Variants in PKP2 observed in about 807,000 individuals in gnomAD.
PKP2 encodes the protein plakophilin-2.
In PKP2, 73 loss-of-function variants were observed where a neutral mutation model predicts 83.4. That is an observed-to-expected ratio of 0.88 (90% CI 0.72 to 1.06). The LOEUF is 1.06. Among genes scored for constraint, PKP2 ranks in the 50% least tolerant of loss-of-function variants. PKP2 has a pLI of 0.00. For missense variants in PKP2, 966 were observed against 1,065.4 expected (o/e 0.91, Z 1.30); for synonymous variants, 409 against 430.4 (o/e 0.95, Z 0.62).
At chr12:32,876,966 GA>G (rs1273544166) in intron 3 of PKP2, among the ~76,000 whole-genome samples, 1 of 152,214 alleles carries the variant, frequency 6.6e-6, no homozygotes, top group Non-Finnish European at 1.5e-5. Context: ...ATCATTTTGA[GA>G]AGTAGTTTAT....
chr12:32,826,871 A>C (rs1956447023), intron 6 of PKP2, among the ~76,000 whole-genome samples: 1 of 152,214 alleles, frequency 6.6e-6, no homozygotes, highest in African/African-American at 2.4e-5. Flanking sequence ...ACAGCAAATT[A>C]GTGGTAAAGT....
chr12:32,823,762 G>A (rs968191127), intron 7 of PKP2, among the ~76,000 whole-genome samples: 5 of 151,834 alleles, frequency 3.3e-5, no homozygotes, highest in African/African-American at 4.8e-5. Context: ...CACCACGCCC[G>A]GCTATATTTT....
At chr12:32,833,414 C>A (rs1231410209) in intron 6 of PKP2, among the ~76,000 whole-genome samples, 2 of 152,070 alleles carry the variant, frequency 1.3e-5, no homozygotes, top group Non-Finnish European at 2.9e-5. Context: ...TAACTGAATG[C>A]ATTAAAAATG....
intron 4 of PKP2, among the ~76,000 whole-genome samples, chr12:32,858,074 AAAAAAAAAAAAT>A (rs1337416754): frequency 3.6e-4 from 24 of 66,464 alleles, no homozygotes; most frequent in African/African-American, 1.7e-3. Context: ...CAAAAAAAAA[AAAAAAAAAAAAT>A]ATATATATAT....
chr12:32,814,142 A>T lies in PKP2; in HGVS notation c.2013+7214T>A, dbSNP rs908946945. Among the ~76,000 whole-genome samples the T allele has an allele frequency of 2.6e-5, 4 of 152,082 alleles. No homozygotes were observed. In the East Asian group the frequency reaches 7.7e-4, roughly 29 times the overall value. On this transcript the variant is annotated intron_variant, in intron 9 of 12. Transcript: ENST00000340811. ...CACTATTCCGTTTTCCCTCAAATGC[A>T]TAAGTCCTGCTCTTCTGAGTCACCA... is the stretch of plus-strand genomic sequence containing the variant.
intron 5 of PKP2, chr12:32,843,384 C>T (rs201328837): frequency 8.4e-6 from 10 of 1,191,864 alleles, no homozygotes. Flanking sequence ...ATGTGGCAGA[C>T]TTGGCTGAAC....
chr12:32,850,534 T>A (rs1231643496), intron 5 of PKP2, among the ~76,000 whole-genome samples: 1 of 150,892 alleles, frequency 6.6e-6, no homozygotes, highest in African/African-American at 2.4e-5. Context: ...TCACTGCACC[T>A]CAGCCTGGGT....
At chr12:32,838,297 T>C (rs1477885948) in intron 6 of PKP2, among the ~76,000 whole-genome samples, 1 of 151,970 alleles carries the variant, frequency 6.6e-6, no homozygotes, top group Non-Finnish European at 1.5e-5. Context: ...GACACAAAGA[T>C]GGGAACAATA....
intron 4 of PKP2, among the ~76,000 whole-genome samples, chr12:32,852,203 T>C (rs1026995567): frequency 1.3e-5 from 2 of 152,174 alleles, no homozygotes; most frequent in Admixed American, 1.3e-4. Flanking sequence ...GAAATAAGTT[T>C]TCATGAACGG....
At chr12:32,821,179 G>C in intron 9 of PKP2, 177 bp downstream of exon 9, 1 of 624,250 alleles carries the variant, frequency 1.6e-6, no homozygotes, top group Non-Finnish European at 2.8e-6. Context: ...TGTCAGTCAA[G>C]CAGCCTGACT....
At position 32,811,026 on chromosome 12, in the gene PKP2, G is replaced by T. The variant is rs1379822743; in HGVS notation, c.2014-8470C>A. 5.9e-5 allele frequency among the ~76,000 whole-genome samples: 9 copies of T among 152,214 alleles called. No individual in the cohort carries two copies. The South Asian group carries it at 1.2e-3, about 21-fold the overall frequency. ...GAGAATTTCAGCTGGGAGATGAGCA[G>T]AACAGTTGTCATGTAATAACAAAAT... is the stretch of plus-strand genomic sequence containing the variant. On this transcript the variant is annotated intron_variant, in intron 9 of 12. Transcript: ENST00000340811.
At chr12:32,804,050 ACAGTAG>A (rs1434741269) in intron 9 of PKP2, among the ~76,000 whole-genome samples, 28 of 152,246 alleles carry the variant, frequency 1.8e-4, no homozygotes, top group African/African-American at 6.8e-4. Context: ...ACTAAGAAGC[ACAGTAG>A]CATCACCAGA....
intron 4 of PKP2, among the ~76,000 whole-genome samples, chr12:32,853,627 C>T (rs1395488312): frequency 1.3e-5 from 2 of 151,860 alleles, no homozygotes; most frequent in African/African-American, 4.8e-5. Flanking sequence ...CTGTCTCACT[C>T]AGCCTCCCTA....
intron 1 of PKP2, among the ~76,000 whole-genome samples, chr12:32,887,344 C>T (rs1159141866): frequency 6.6e-6 from 1 of 152,128 alleles, no homozygotes; most frequent in Non-Finnish European, 1.5e-5. Flanking sequence ...TTTTCAGGAG[C>T]CCCCTAAGCA....
intron 5 of PKP2, among the ~76,000 whole-genome samples, chr12:32,849,231 T>A (rs1956676179): frequency 6.6e-6 from 1 of 152,174 alleles, no homozygotes; most frequent in South Asian, 2.1e-4. Flanking sequence ...TTAATTTTTT[T>A]GAGATAAGGT....
intron 10 of PKP2, among the ~76,000 whole-genome samples, chr12:32,798,171 G>A (rs974331830): frequency 3.7e-5 from 5 of 135,102 alleles, no homozygotes; most frequent in African/African-American, 8.3e-5. Flanking sequence ...TGCAACCTCC[G>A]CCTCCCAGGT....
At chr12:32,884,343 A>T (rs915213004) in intron 1 of PKP2, among the ~76,000 whole-genome samples, 1 of 152,160 alleles carries the variant, frequency 6.6e-6, no homozygotes. Context: ...AATCCCAAGT[A>T]CTTGGGAAGC....
At chr12:32,827,114 C>G (rs1265823369) in intron 6 of PKP2, among the ~76,000 whole-genome samples, 1 of 152,192 alleles carries the variant, frequency 6.6e-6, no homozygotes, top group Non-Finnish European at 1.5e-5. Flanking sequence ...CCACTACATA[C>G]CTTGCAGATG....
intron 9 of PKP2, 21 bp from the exon 10 acceptor site, chr12:32,802,577 T>G: frequency 6.2e-7 from 1 of 1,608,270 alleles, no homozygotes; most frequent in South Asian, 1.1e-5. Flanking sequence ...AGACATATCC[T>G]ATAAGTGCTA....
Sources: gnomAD v4.1 joint callset for allele counts (sites outside exome capture counted in the v4.1 genomes callset) on GRCh38, gnomAD v4.1.1 for gene constraint, MANE v1.5 for transcripts, NCBI Gene and HGNC (gene_info 2026-07-23, HGNC 2026-07-21) for gene names.